The following VIPR2 variants were observed in gnomAD, a reference collection of about 807,000 sequenced individuals.
The protein encoded by VIPR2 is vasoactive intestinal peptide receptor 2, also known as vasoactive intestinal polypeptide receptor 2.
Under a neutral mutation model 58.0 loss-of-function variants are expected in VIPR2, and 48 were observed. The ratio of observed to expected loss-of-function variants is 0.83; its 90% CI spans 0.66 to 1.05. The LOEUF (loss-of-function observed/expected upper bound fraction) is 1.05. VIPR2 is among the 50% of genes least tolerant of loss of function. The probability of loss-of-function intolerance (pLI) is 0.00; values close to 1 mark genes in which losing one functional copy is unlikely to be tolerated. For missense variants in VIPR2, 534 were observed against 558.0 expected (o/e 0.96, Z 0.43); for synonymous variants, 243 against 235.2 (o/e 1.03, Z -0.30).
chr7:159,100,928 G>A (rs1262404531), intron 4 of VIPR2, among the ~76,000 whole-genome samples: 2 of 148,256 alleles, frequency 1.3e-5, no homozygotes, highest in African/African-American at 2.5e-5. Flanking sequence ...GGTAGTGAAC[G>A]GGTCTCACGA....
In VIPR2 at chr7:159,096,323, G is replaced by A. The variant is rs1327341042; in HGVS notation, c.357+7434C>T. Among the ~76,000 whole-genome samples, 1 of 152,206 alleles carries A rather than the reference G, an allele frequency of 6.6e-6. No individual in the cohort carries two copies. The highest frequency in any genetic ancestry group is 1.5e-5 in the Non-Finnish European group (1 of 68,036). ...GGATGGTCCATCCTGGGTCAGGCAC[G>A]TACCTCCCCTCCTCCGGCATCGGCC... On this transcript the variant is annotated intron_variant, in intron 4 of 12. Transcript: ENST00000262178. The surrounding 1 kb of genome is among the most constrained non-coding windows in gnomAD (Gnocchi z 5.5).
rs2540344 is a variant in VIPR2 at position 159,062,492 on chromosome 7, G to T, written c.358-3914C>A. On this transcript the variant is annotated intron_variant, in intron 4 of 12. Coordinates refer to ENST00000262178, the MANE Select transcript of VIPR2 (RefSeq NM_003382.5). Reference sequence around the variant, plus strand: ...CAAGAGTGAAGCTGCAGACCTTCACGGTGAGTGTTACAGCTCTTAAGGCGG... The same window carrying T: ...CAAGAGTGAAGCTGCAGACCTTCACTGTGAGTGTTACAGCTCTTAAGGCGG... 1.5e-4 allele frequency among the ~76,000 whole-genome samples: 23 copies of T among 152,126 alleles called. 1 individual carries two copies. The highest frequency in any genetic ancestry group is 5.5e-4 in the African/African-American group (23 of 41,490).
intron 4 of VIPR2, among the ~76,000 whole-genome samples, chr7:159,060,463 C>A (rs1293579689): frequency 6.6e-6 from 1 of 152,096 alleles, no homozygotes; most frequent in African/African-American, 2.4e-5. Context: ...TTCATCTAAC[C>A]CATACTCACT....
At chr7:159,119,036 A>C (rs911244053) in intron 2 of VIPR2, among the ~76,000 whole-genome samples, 5 of 152,194 alleles carry the variant, frequency 3.3e-5, no homozygotes, top group African/African-American at 1.2e-4. Flanking sequence ...GGATGTTTTT[A>C]TTGTTTCAGG....
intron 2 of VIPR2, among the ~76,000 whole-genome samples, chr7:159,118,418 G>A (rs1282971166): frequency 6.6e-6 from 1 of 152,198 alleles, no homozygotes; most frequent in Admixed American, 6.5e-5. Context: ...CTCAGGGAAC[G>A]AGCTTAAAAC....
In VIPR2 at chr7:159,059,897, T is replaced by C. The variant is rs1392976862; in HGVS notation, c.358-1319A>G. 2.7e-5 allele frequency among the ~76,000 whole-genome samples: 4 copies of C among 145,724 alleles called. No individual in the cohort carries two copies. The East Asian group carries it at 6.4e-4, about 23-fold the overall frequency. On this transcript the variant is annotated intron_variant, in intron 4 of 12. Transcript: ENST00000262178. Reference sequence around the variant, plus strand: ...ACCTAACCATGACCCTCACCTCATCTAACCTCCATTCTCAACTCATCTAAC... The same window carrying C: ...ACCTAACCATGACCCTCACCTCATCCAACCTCCATTCTCAACTCATCTAAC...
intron 10 of VIPR2, among the ~76,000 whole-genome samples, 176 bp downstream of exon 10, chr7:159,034,037 C>T (rs771724861): frequency 3.3e-5 from 5 of 152,296 alleles, no homozygotes; most frequent in Non-Finnish European, 5.9e-5. Flanking sequence ...CAGGGAAATG[C>T]TGTCCAGGGC....
At chr7:159,112,812 G>A (rs971630319) in intron 2 of VIPR2, among the ~76,000 whole-genome samples, 2 of 149,508 alleles carry the variant, frequency 1.3e-5, no homozygotes, top group Non-Finnish European at 3.0e-5. Context: ...AGCCCCGACT[G>A]TGAAGAGGAG....
rs116480605 is a variant in VIPR2 at position 159,038,321 on chromosome 7, C to T, written c.598-1419G>A. ...CATAGCAGGGTGGGTGCTTCATTTT[C>T]TGAGACACTGCACAGGTGAGAGTTA... On this transcript the variant is annotated intron_variant, in intron 6 of 12. Coordinates refer to ENST00000262178, the MANE Select transcript of VIPR2 (RefSeq NM_003382.5). Among the ~76,000 whole-genome samples the T allele has an allele frequency of 7.0e-3, 1,072 of 152,272 alleles. 12 individuals carry two copies. Among genetic ancestry groups the T allele is most frequent in the African/African-American group, 0.021 (875 of 41,548 alleles).
intron 2 of VIPR2, among the ~76,000 whole-genome samples, chr7:159,132,672 C>T (rs1309496901): frequency 6.6e-6 from 1 of 152,240 alleles, no homozygotes; most frequent in African/African-American, 2.4e-5. Flanking sequence ...GTTTATTCCA[C>T]ATGAAATCAT....
At chr7:159,078,566 A>C (rs1662478054) in intron 4 of VIPR2, among the ~76,000 whole-genome samples, 1 of 152,228 alleles carries the variant, frequency 6.6e-6, no homozygotes, top group South Asian at 2.1e-4. Context: ...TTTATTGGAA[A>C]AGATGCCAAC....
chr7:159,104,521 G>GGCAGCACCCTCCCTCCTCCCA (rs1858515451), intron 3 of VIPR2, among the ~76,000 whole-genome samples: 1 of 128,048 alleles, frequency 7.8e-6, no homozygotes, highest in Non-Finnish European at 1.6e-5. Context: ...ACCTCCTCCT[G>GGCAGCACCCTCCCTCCTCCCA]GCAGCACCCT....
At chr7:159,075,877 A>G (rs1345545951) in intron 4 of VIPR2, among the ~76,000 whole-genome samples, 1 of 152,236 alleles carries the variant, frequency 6.6e-6, no homozygotes, top group African/African-American at 2.4e-5. Context: ...TGCATCAGCG[A>G]GTAGCCCAGG....
At chr7:159,038,169 C>A (rs1854091083) in intron 6 of VIPR2, among the ~76,000 whole-genome samples, 1 of 152,142 alleles carries the variant, frequency 6.6e-6, no homozygotes, top group Non-Finnish European at 1.5e-5. Context: ...CTGAGCCCTG[C>A]AGGCTGTCCC....
At chr7:159,144,452 C>T (rs904036646) in intron 1 of VIPR2, 2 of 1,543,574 alleles carry the variant, frequency 1.3e-6, no homozygotes, top group Admixed American at 4.0e-5. Context: ...GAAACGATCC[C>T]GTTTCCAGCA....
intron 5 of VIPR2, among the ~76,000 whole-genome samples, chr7:159,048,369 A>G (rs1439805619): frequency 6.6e-6 from 1 of 152,252 alleles, no homozygotes; most frequent in Admixed American, 6.5e-5. Flanking sequence ...GTAAAGGGAA[A>G]TGACTCCTGG....
At chr7:159,060,938 T>C (rs1459692432) in intron 4 of VIPR2, among the ~76,000 whole-genome samples, 2 of 152,192 alleles carry the variant, frequency 1.3e-5, no homozygotes, top group African/African-American at 4.8e-5. Flanking sequence ...CAAAAAGACA[T>C]GCCCATCAAC....
intron 3 of VIPR2, among the ~76,000 whole-genome samples, 160 bp from the exon 4 acceptor site, chr7:159,104,014 C>T (rs1329437488): frequency 6.6e-6 from 1 of 152,208 alleles, no homozygotes; most frequent in Non-Finnish European, 1.5e-5. Flanking sequence ...CCTTGCCCTC[C>T]TAGTCCATGT....
intron 6 of VIPR2, among the ~76,000 whole-genome samples, chr7:159,039,382 A>T (rs1374905991): frequency 6.6e-6 from 1 of 152,212 alleles, no homozygotes; most frequent in East Asian, 1.9e-4. Flanking sequence ...GAAGGCTGAG[A>T]CATGAGAATC....
Sources: gnomAD v4.1 joint callset for allele counts (sites outside exome capture counted in the v4.1 genomes callset) on GRCh38, gnomAD v4.1.1 for gene constraint, Gnocchi (gnomAD v3.1) non-coding constraint, MANE v1.5 for transcripts, NCBI Gene and HGNC (gene_info 2026-07-23, HGNC 2026-07-21) for gene names.